Variants in CCDC171 observed in about 807,000 individuals in gnomAD.
The protein encoded by CCDC171 is coiled-coil domain containing 171, also known as coiled-coil domain-containing protein 171.
A neutral mutation model predicts 168.2 loss-of-function variants in CCDC171; 177 were observed. The ratio of observed to expected loss-of-function variants is 1.05; its 90% CI spans 0.93 to 1.19. The LOEUF (loss-of-function observed/expected upper bound fraction) is 1.19, where lower values mean the gene tolerates loss of function less well. CCDC171 is among the 50% of genes most tolerant of loss of function. CCDC171 has a pLI of 0.00. For synonymous variants in CCDC171, 687 were observed against 540.8 expected (o/e 1.27, Z -3.75); for missense variants, 1,991 against 1,539.0 (o/e 1.29, Z -4.91).
chr9:15,639,797 A>G (rs546209863), intron 7 of CCDC171, among the ~76,000 whole-genome samples: 1 of 152,290 alleles, frequency 6.6e-6, no homozygotes, highest in South Asian at 2.1e-4. Context: ...GAGCCTGTTT[A>G]TGTAAAATAA....
chr9:15,651,467 G>A (rs1409342159), intron 7 of CCDC171, among the ~76,000 whole-genome samples: 1 of 151,308 alleles, frequency 6.6e-6, no homozygotes, highest in African/African-American at 2.4e-5. Flanking sequence ...ATTTTGCTCA[G>A]ACTGGTCTTG....
At chr9:15,925,337 C>A (rs1171143109) in intron 25 of CCDC171, among the ~76,000 whole-genome samples, 1 of 151,384 alleles carries the variant, frequency 6.6e-6, no homozygotes, top group East Asian at 1.9e-4. Context: ...TGATCTAGAT[C>A]AGGAAAAGGG....
At chr9:15,621,598 A>G (rs183170161) in intron 6 of CCDC171, among the ~76,000 whole-genome samples, 2 of 152,346 alleles carry the variant, frequency 1.3e-5, no homozygotes, top group Admixed American at 1.3e-4. Context: ...CAGACCAGTC[A>G]GAATGGCTAT....
intron 24 of CCDC171, among the ~76,000 whole-genome samples, chr9:15,917,286 G>A (rs1193180392): frequency 6.6e-6 from 1 of 151,820 alleles, no homozygotes; most frequent in Non-Finnish European, 1.5e-5. Flanking sequence ...CTTTTGTTTA[G>A]AAGAGCATAG....
At chr9:15,948,749 A>T (rs201855689) in intron 25 of CCDC171, among the ~76,000 whole-genome samples, 10,649 of 151,140 alleles carry the variant, frequency 0.07, 897 homozygotes, top group African/African-American at 0.19. Flanking sequence ...TAGGTTGCGA[A>T]GATTTTCTCC....
intron 21 of CCDC171, among the ~76,000 whole-genome samples, chr9:15,813,871 C>G (rs1380876217): frequency 6.6e-6 from 1 of 152,136 alleles, no homozygotes; most frequent in Non-Finnish European, 1.5e-5. Context: ...AGTTCTGGTG[C>G]ACACACAATT....
chr9:15,602,424 A>T (rs1005173942), intron 6 of CCDC171, among the ~76,000 whole-genome samples: 6 of 152,108 alleles, frequency 3.9e-5, no homozygotes, highest in Admixed American at 3.9e-4. Context: ...TCTTTAATAG[A>T]CAAAACTTGT....
At chr9:15,658,928 A>T (rs779245716) in intron 8 of CCDC171, among the ~76,000 whole-genome samples, 11 of 152,162 alleles carry the variant, frequency 7.2e-5, no homozygotes, top group Non-Finnish European at 1.3e-4. Context: ...CAGGGGACAA[A>T]CTGAGAATGC....
intron 18 of CCDC171, among the ~76,000 whole-genome samples, chr9:15,752,105 A>C (rs1429512272): frequency 6.6e-6 from 1 of 152,248 alleles, no homozygotes; most frequent in Non-Finnish European, 1.5e-5. Context: ...GGATATGAAC[A>C]GACACTTCTC....
At chr9:16,105,458 C>A in the CCDC171 span, among the ~76,000 whole-genome samples, 83 of 152,238 alleles carry the variant, frequency 5.5e-4, no homozygotes, top group South Asian at 1.9e-3. Flanking sequence ...CAGCACCCCC[C>A]CCTTCTCTTT....
intron 11 of CCDC171, among the ~76,000 whole-genome samples, chr9:15,706,828 C>T (rs2052279328): frequency 2.0e-5 from 3 of 152,054 alleles, no homozygotes; most frequent in South Asian, 4.1e-4. Flanking sequence ...TTCCTTTTTA[C>T]TTAGAGAGGC....
chr9:15,563,752 A>G (rs1295499867), intron 1 of CCDC171, among the ~76,000 whole-genome samples: 1 of 152,174 alleles, frequency 6.6e-6, no homozygotes, highest in African/African-American at 2.4e-5. Flanking sequence ...TTGGATCTAT[A>G]TGTAGGAGCT....
intron 25 of CCDC171, among the ~76,000 whole-genome samples, chr9:15,940,257 T>C (rs1050583365): frequency 2.6e-5 from 4 of 151,990 alleles, no homozygotes; most frequent in African/African-American, 9.7e-5. Context: ...CTTTTCATAG[T>C]AATATACTGA....
chr9:15,781,025 C>T (rs888429982), intron 20 of CCDC171, among the ~76,000 whole-genome samples: 2 of 152,268 alleles, frequency 1.3e-5, no homozygotes, highest in African/African-American at 4.8e-5. Context: ...TGGACACAGA[C>T]AGTCATTTAT....
At chr9:15,583,042 G>A (rs969395607) in intron 4 of CCDC171, among the ~76,000 whole-genome samples, 1 of 151,876 alleles carries the variant, frequency 6.6e-6, no homozygotes, top group Non-Finnish European at 1.5e-5. Context: ...ACATGCACAC[G>A]CAGGTTTACA....
rs1320489628 is a variant in CCDC171 at position 15,820,880 on chromosome 9, C to CA, written c.3268-25815dup. ...ATACCAAAGCGTGGCAGAGACACAACAAAAAAAGAGAATTTTAGACCAATG... is the reference window on the plus strand; with the variant it reads ...ATACCAAAGCGTGGCAGAGACACAACAAAAAAAAGAGAATTTTAGACCAATG... On this transcript the variant is annotated intron_variant, in intron 21 of 25. Transcript: ENST00000380701. 5.2e-5 allele frequency among the ~76,000 whole-genome samples: 6 copies of CA among 115,768 alleles called. 1 individual carries two copies. The highest frequency in any genetic ancestry group is 1.6e-4 in the Admixed American group (2 of 12,264). The allele number at this position is 115,768 out of a possible 152,430, so 75.9% of individuals were successfully genotyped here. A position where few individuals can be genotyped will look rare whatever the true frequency, so the allele number is the denominator to read the frequency against.
At chr9:15,729,906 C>G in intron 16 of CCDC171, 108 bp downstream of exon 16, 2 of 756,690 alleles carry the variant, frequency 2.6e-6, no homozygotes, top group Non-Finnish European at 4.3e-6. Context: ...TTCTTAAGAA[C>G]TTCGTAGAAC....
chr9:15,643,607 C>G (rs1051673374), intron 7 of CCDC171, among the ~76,000 whole-genome samples: 1 of 152,160 alleles, frequency 6.6e-6, no homozygotes, highest in South Asian at 2.1e-4. Context: ...TAAAAGTATA[C>G]AATTCAATGC....
intron 21 of CCDC171, among the ~76,000 whole-genome samples, chr9:15,790,672 A>G (rs1025137544): frequency 6.6e-6 from 1 of 152,176 alleles, no homozygotes; most frequent in African/African-American, 2.4e-5. Flanking sequence ...GTCCTTGCCC[A>G]TGCCTATGTC....
Sources: gnomAD v4.1 joint callset for allele counts (sites outside exome capture counted in the v4.1 genomes callset) on GRCh38, gnomAD v4.1.1 for gene constraint, MANE v1.5 for transcripts, NCBI Gene and HGNC (gene_info 2026-07-23, HGNC 2026-07-21) for gene names.